The following HMG20A variants were observed in gnomAD, a reference collection of about 807,000 sequenced individuals.
HMG20A encodes the protein high mobility group protein 20A.
Under a neutral mutation model 43.9 loss-of-function variants are expected in HMG20A, and 17 were observed. The observed-to-expected ratio is 0.39, with a 90% CI of 0.27 to 0.58. The LOEUF (loss-of-function observed/expected upper bound fraction) is 0.58. Ranked by LOEUF, HMG20A falls within the 20% of genes least tolerant of loss-of-function variation. HMG20A has a pLI of 0.59. For missense variants in HMG20A, 341 were observed against 438.2 expected, an observed-to-expected ratio of 0.78 and a Z score of 1.98; for synonymous variants, 132 against 147.5, an observed-to-expected ratio of 0.89 and a Z score of 0.76.
chr15:77,510,893 T>C, the HMG20A span, among the ~76,000 whole-genome samples: 1 of 152,240 alleles, frequency 6.6e-6, no homozygotes, highest in East Asian at 1.9e-4. Context: ...ATCTGCAAAC[T>C]TCTTCAAGAT....
At chr15:77,443,370 GATGATGATGATTATT>G (rs1210345286) in intron 1 of HMG20A, among the ~76,000 whole-genome samples, 3 of 124,800 alleles carry the variant, frequency 2.4e-5, no homozygotes, top group East Asian at 2.1e-4. Context: ...TGATGATGAT[GATGATGATGATTATT>G]ATTATTATTA....
At chr15:77,510,925 TC>T in the HMG20A span, among the ~76,000 whole-genome samples, 1 of 152,226 alleles carries the variant, frequency 6.6e-6, no homozygotes, top group Non-Finnish European at 1.5e-5. Context: ...CTTGCTTGCT[TC>T]CTTCCTTCCT....
rs1374601269 is a variant in HMG20A, at chr15:77,453,161, GTA to G, written c.-4-5242_-4-5241del. On this transcript the variant is annotated intron_variant, in intron 1 of 9. Transcript: ENST00000336216. ...CACAAGAATCGCTTGAACCCAGGAG[GTA>G]GAGGTTGCAGTGAGCCAGGATCACA... 2.6e-4 allele frequency among the ~76,000 whole-genome samples: 39 copies of G among 152,276 alleles called. No homozygotes were observed. In the East Asian group the frequency reaches 7.1e-3, roughly 28 times the overall value.
the HMG20A span, among the ~76,000 whole-genome samples, chr15:77,506,414 C>T: frequency 2.6e-5 from 4 of 152,166 alleles, no homozygotes; most frequent in East Asian, 1.9e-4. Context: ...TTGCCTGCTC[C>T]GGAGGCAGTG....
chr15:77,465,282 A>AAAG (rs2072746061), intron 3 of HMG20A, among the ~76,000 whole-genome samples: 4 of 142,662 alleles, frequency 2.8e-5, no homozygotes, highest in Admixed American at 1.4e-4. Flanking sequence ...AAAAAAAAAA[A>AAAG]AAAGAAAGAA....
chr15:77,479,307 G>A lies in HMG20A; in HGVS notation c.1036G>A (p.Asp346Asn), dbSNP rs1392475263. Residue 346 changes from aspartate to asparagine, a missense_variant, in exon 9 of 10, where the codon GAT becomes AAT. Asp to Asn is a conservative substitution (Grantham distance 23). Around this residue, in one of 3 missense-constraint regions of HMG20A, gnomAD observed 118 missense variants for 154.5 expected, o/e 0.76. Coordinates refer to ENST00000336216, the MANE Select transcript of HMG20A (RefSeq NM_001304504.2). ...AGTTCGAGAAGTTGTGAACAGACTCGATCGTTAGGGAATGGTGAGTGCTCA... is the reference window on the plus strand; with the variant it reads ...AGTTCGAGAAGTTGTGAACAGACTCAATCGTTAGGGAATGGTGAGTGCTCA... The part of the protein sequence containing the change: ...ATVREVVNRL[D>N]R 2 of 1,613,720 alleles carry A rather than the reference G, an allele frequency of 1.2e-6. No homozygotes were observed. Among genetic ancestry groups the A allele is most frequent in the South Asian group, 1.1e-5 (1 of 91,008 alleles).
At chr15:77,511,139 T>C in the HMG20A span, among the ~76,000 whole-genome samples, 3 of 152,196 alleles carry the variant, frequency 2.0e-5, no homozygotes, top group Non-Finnish European at 4.4e-5. Context: ...GGTTTCTTGT[T>C]GTTGGAGAAG....
chr15:77,504,448 G>A, the HMG20A span, among the ~76,000 whole-genome samples: 1 of 152,248 alleles, frequency 6.6e-6, no homozygotes. Context: ...TGTTTGCTTG[G>A]AACAGTCTGA....
At chr15:77,495,936 C>G in the HMG20A span, among the ~76,000 whole-genome samples, 1 of 152,186 alleles carries the variant, frequency 6.6e-6, no homozygotes, top group African/African-American at 2.4e-5. Flanking sequence ...GTCCTGCAGA[C>G]AGGATGCTGC....
At chr15:77,502,432 C>A in the HMG20A span, among the ~76,000 whole-genome samples, 1 of 152,234 alleles carries the variant, frequency 6.6e-6, no homozygotes. Flanking sequence ...CTTGCCAATC[C>A]AGCATCTTCT....
At chr15:77,489,206 G>C (rs780281747), downstream of HMG20A, among the ~76,000 whole-genome samples, 3 of 152,146 alleles carry the variant, frequency 2.0e-5, no homozygotes, top group Non-Finnish European at 4.4e-5. Flanking sequence ...AGAAATAACA[G>C]ACATATACCA....
chr15:77,431,464 G>T (rs960749090), intron 1 of HMG20A, among the ~76,000 whole-genome samples: 1 of 152,016 alleles, frequency 6.6e-6, no homozygotes, highest in Admixed American at 6.6e-5. Flanking sequence ...TGCCTGCCTT[G>T]GCCTTCCAAA....
intron 1 of HMG20A, among the ~76,000 whole-genome samples, chr15:77,446,578 C>T (rs192808786): frequency 2.6e-5 from 4 of 152,192 alleles, no homozygotes; most frequent in Admixed American, 2.6e-4. Context: ...GAGGCCGAGG[C>T]GGGTGGATCA....
chr15:77,456,620 CAG>C (rs2072656918), intron 1 of HMG20A, among the ~76,000 whole-genome samples: 1 of 114,898 alleles, frequency 8.7e-6, no homozygotes, highest in East Asian at 2.4e-4. Context: ...GCGTGGGCAA[CAG>C]AGCGAGACTG....
intron 1 of HMG20A, among the ~76,000 whole-genome samples, chr15:77,424,025 CAA>C (rs2073399130): frequency 1.3e-5 from 2 of 152,080 alleles, no homozygotes; most frequent in African/African-American, 4.8e-5. Flanking sequence ...TAAATACGGC[CAA>C]ATATTCATAT....
At chr15:77,460,196 G>A (rs1287457210) in intron 2 of HMG20A, among the ~76,000 whole-genome samples, 1 of 152,102 alleles carries the variant, frequency 6.6e-6, no homozygotes, top group Non-Finnish European at 1.5e-5. Flanking sequence ...GAATAGTGGG[G>A]GTAAAAACCT....
the HMG20A span, among the ~76,000 whole-genome samples, chr15:77,517,475 G>A: frequency 1.3e-4 from 20 of 151,642 alleles, no homozygotes; most frequent in African/African-American, 4.6e-4. Flanking sequence ...ATGGCAGTTC[G>A]AGGGATTCTA....
intron 3 of HMG20A, among the ~76,000 whole-genome samples, chr15:77,465,330 T>A (rs2072747074): frequency 6.6e-6 from 1 of 150,414 alleles, no homozygotes; most frequent in Non-Finnish European, 1.5e-5. Flanking sequence ...CCTATTGGCA[T>A]TTTTAAAGAT....
intron 9 of HMG20A, among the ~76,000 whole-genome samples, chr15:77,481,230 T>A (rs2072903660): frequency 6.6e-6 from 1 of 152,226 alleles, no homozygotes; most frequent in Admixed American, 6.5e-5. Context: ...AAAGGATTAC[T>A]ATCCTTCTAG....
Sources: allele counts gnomAD v4.1 joint callset (sites outside exome capture counted in the v4.1 genomes callset), GRCh38; gene constraint gnomAD v4.1.1; regional missense constraint gnomAD v4.1.1; transcripts MANE v1.5; gene names NCBI Gene and HGNC (gene_info 2026-07-23, HGNC 2026-07-21).